FBXO28: variants seen among roughly 807,000 people sequenced by gnomAD.
The protein encoded by FBXO28 is F-box protein 28, also known as F-box only protein 28.
A neutral mutation model predicts 38.1 loss-of-function variants in FBXO28; 8 were observed. That is an observed-to-expected ratio of 0.21 (90% CI 0.12 to 0.38). FBXO28 has a LOEUF of 0.38. Among genes scored for constraint, FBXO28 ranks in the 10% least tolerant of loss-of-function variants. The pLI is 1.00. For synonymous variants in FBXO28, 168 were observed against 173.8 expected (o/e 0.97, Z 0.26); for missense variants, 345 against 460.6 (o/e 0.75, Z 2.30).
At chr1:224,135,636 GAAA>G (rs1378921377) in intron 3 of FBXO28, among the ~76,000 whole-genome samples, 1 of 111,776 alleles carries the variant, frequency 8.9e-6, no homozygotes, top group Non-Finnish European at 1.9e-5. Context: ...AAAAAAAAAA[GAAA>G]AAGAAAAAGA....
At chr1:224,148,519 A>G (rs1657565174) in intron 3 of FBXO28, among the ~76,000 whole-genome samples, 1 of 151,926 alleles carries the variant, frequency 6.6e-6, no homozygotes, top group African/African-American at 2.4e-5. Flanking sequence ...AAAATTCGCC[A>G]GGTGTGGTGG....
chr1:224,117,992 AATTAATTAATTTATTT>A lies in FBXO28; in HGVS notation c.267+3600_267+3615del, dbSNP rs1295832850. Among the ~76,000 whole-genome samples, 66 of 85,666 alleles carry A rather than the reference AATTAATTAATTTATTT, an allele frequency of 7.7e-4. 1 individual carries two copies. Among genetic ancestry groups the A allele is most frequent in the South Asian group, 2.6e-3 (6 of 2,266 alleles). 56.2% of individuals were successfully genotyped at this position (85,666 alleles called of 152,430 possible). ...AACAAGTATAGGGAGCTTTTTAATT[AATTAATTAATTTATTT>A]ATTTATTTATTTATTTATTTATTTT... On this transcript the variant is annotated intron_variant, in intron 1 of 4. Coordinates refer to ENST00000366862, the MANE Select transcript of FBXO28 (RefSeq NM_015176.4).
At chr1:224,124,969 C>A (rs1558187770) in intron 1 of FBXO28, among the ~76,000 whole-genome samples, 1 of 152,266 alleles carries the variant, frequency 6.6e-6, no homozygotes, top group South Asian at 2.1e-4. Context: ...TCAGCTGATG[C>A]GCCCAGCCGA....
chr1:224,153,586 A>C (rs905852778), intron 4 of FBXO28, among the ~76,000 whole-genome samples: 1 of 152,228 alleles, frequency 6.6e-6, no homozygotes, highest in East Asian at 1.9e-4. Flanking sequence ...AAATCTTTGC[A>C]CATATCCATA....
chr1:224,149,002 A>G (rs957203624), intron 3 of FBXO28, among the ~76,000 whole-genome samples: 1 of 152,174 alleles, frequency 6.6e-6, no homozygotes, highest in African/African-American at 2.4e-5. Context: ...TCATGGAGTC[A>G]TGTTTCACTG....
In FBXO28 at chr1:224,160,018, T is replaced by C. The variant is rs960523093; in HGVS notation, c.*2272T>C. On this transcript the variant is annotated 3_prime_UTR_variant, in exon 5 of 5. Transcript: ENST00000366862. ...TCATAAAGCTAATTCATTGTACTTG[T>C]TAATGCATGAATGTTCCATGCAGTA... The C allele has an allele frequency of 2.0e-5, 3 of 152,214 alleles. No individual in the cohort carries two copies. Among genetic ancestry groups the C allele is most frequent in the African/African-American group, 7.2e-5 (3 of 41,458 alleles). 9.4% of individuals were successfully genotyped at this position (152,214 alleles called of 1,614,324 possible). A position where few individuals can be genotyped will look rare whatever the true frequency, so the allele number is the denominator to read the frequency against.
At chr1:224,117,822 A>G (rs1656676906) in intron 1 of FBXO28, among the ~76,000 whole-genome samples, 1 of 151,822 alleles carries the variant, frequency 6.6e-6, no homozygotes, top group Non-Finnish European at 1.5e-5. Context: ...AGCCTGGCCA[A>G]CATGGTGAAA....
At chr1:224,122,591 CTT>C (rs796184071) in intron 1 of FBXO28, among the ~76,000 whole-genome samples, 2 of 145,580 alleles carry the variant, frequency 1.4e-5, no homozygotes. Flanking sequence ...ATGCCATTGA[CTT>C]TTTTTTTTTT....
In FBXO28 at chr1:224,153,247, A is replaced by G; in HGVS notation, c.622A>G (p.Met208Val). The stretch of plus-strand genomic sequence containing the variant: ...ATTAAGGGATATATCCTCTATGGCA[A>G]TGGAGTACTTTGATGAAAAGATTGT... The part of the protein sequence containing the change: ...QELRDISSMA[M>V]EYFDEKIVPI... Residue 208 changes from methionine (M) to valine (V), a missense_variant, in exon 4 of 5, where the codon ATG becomes GTG. Met to Val is a conservative substitution (Grantham distance 21). Transcript: ENST00000366862. The G allele has an allele frequency of 6.2e-7, 1 of 1,612,018 alleles. No individual in the cohort carries two copies. Among genetic ancestry groups the G allele is most frequent in the Non-Finnish European group, 8.5e-7 (1 of 1,179,278 alleles).
chr1:224,143,088 C>T (rs1471262067), intron 3 of FBXO28, among the ~76,000 whole-genome samples: 1 of 151,750 alleles, frequency 6.6e-6, no homozygotes, highest in Admixed American at 6.6e-5. Context: ...TGGTGCGGGC[C>T]TGTAGTCCCA....
chr1:224,138,874 T>A (rs1346506515), intron 3 of FBXO28, among the ~76,000 whole-genome samples: 1 of 151,724 alleles, frequency 6.6e-6, no homozygotes, highest in East Asian at 1.9e-4. Flanking sequence ...CTCCGCCTCC[T>A]GGGTTCAAGC....
chr1:224,136,451 C>T (rs939724789), intron 3 of FBXO28, among the ~76,000 whole-genome samples: 6 of 151,884 alleles, frequency 4.0e-5, no homozygotes, highest in South Asian at 4.2e-4. Context: ...AGGCCGGGCG[C>T]GGTAGCTCAC....
chr1:224,123,389 G>T (rs1027540339), intron 1 of FBXO28, among the ~76,000 whole-genome samples: 2 of 134,494 alleles, frequency 1.5e-5, no homozygotes, highest in Non-Finnish European at 3.0e-5. Flanking sequence ...GCCTCAGTAA[G>T]CCGTGATCGT....
At chr1:224,145,470 A>G (rs1052252838) in intron 3 of FBXO28, among the ~76,000 whole-genome samples, 1 of 152,006 alleles carries the variant, frequency 6.6e-6, no homozygotes, top group Non-Finnish European at 1.5e-5. Flanking sequence ...AGAACCTATC[A>G]ACATTAAAAT....
chr1:224,127,282 A>G (rs568093018), intron 1 of FBXO28, among the ~76,000 whole-genome samples: 1 of 152,060 alleles, frequency 6.6e-6, no homozygotes, highest in Admixed American at 6.6e-5. Context: ...GTTTGATGAC[A>G]TGATGGCATC....
rs144729070 is a variant in FBXO28, at chr1:224,134,052, TTTATTA to T, written c.378-8_378-3del. On this transcript the variant is annotated splice_polypyrimidine_tract_variant and intron_variant, in intron 2 of 4. Coordinates refer to ENST00000366862, the MANE Select transcript of FBXO28 (RefSeq NM_015176.4). ...ATACTGCTTTAATGGTTGCCTTGCTTTTATTATTATTATTATTATAGGAGAGAGTCA... is the reference window on the plus strand; with the variant it reads ...ATACTGCTTTAATGGTTGCCTTGCTTTTATTATTATTATAGGAGAGAGTCA... The T allele has an allele frequency of 2.7e-5, 39 of 1,452,234 alleles. No individual in the cohort carries two copies. The East Asian group carries it at 6.6e-4, about 24-fold the overall frequency. The allele number at this position is 1,452,234 out of a possible 1,614,324, so 90.0% of individuals were successfully genotyped here.
At chr1:224,154,293 G>A (rs536050432) in intron 4 of FBXO28, among the ~76,000 whole-genome samples, 171 of 152,324 alleles carry the variant, frequency 1.1e-3, no homozygotes, top group Non-Finnish European at 1.8e-3. Flanking sequence ...TGTACTGAAA[G>A]TGAAAAACGG....
rs377000305 is a variant in FBXO28 at position 224,117,783 on chromosome 1, G to A, written c.267+3387G>A. ...AGCACTTTGGGAGGCCAGGGTGGGC[G>A]GATCACTTGAGGTCAGGAGTTCGAT... On this transcript the variant is annotated intron_variant, in intron 1 of 4. Coordinates refer to ENST00000366862, the MANE Select transcript of FBXO28 (RefSeq NM_015176.4). 6.2e-4 allele frequency among the ~76,000 whole-genome samples: 94 copies of A among 151,658 alleles called. 1 individual carries two copies. The highest frequency in any genetic ancestry group is 1.4e-3 in the East Asian group (7 of 5,084).
intron 3 of FBXO28, among the ~76,000 whole-genome samples, chr1:224,138,426 C>T (rs1657249205): frequency 6.6e-6 from 1 of 151,824 alleles, no homozygotes; most frequent in South Asian, 2.1e-4. Flanking sequence ...TCCAGTAAAA[C>T]TTTATTTACA....
Sources: allele counts gnomAD v4.1 joint callset (sites outside exome capture counted in the v4.1 genomes callset), GRCh38; gene constraint gnomAD v4.1.1; transcripts MANE v1.5; gene names NCBI Gene and HGNC (gene_info 2026-07-23, HGNC 2026-07-21).